The following LAMA2 variants were observed in gnomAD, a reference collection of about 807,000 sequenced individuals.
The protein encoded by LAMA2 is laminin subunit alpha 2.
A neutral mutation model predicts 364.8 loss-of-function variants in LAMA2; 269 were observed. The ratio of observed to expected loss-of-function variants is 0.74; its 90% CI spans 0.67 to 0.82. The LOEUF (loss-of-function observed/expected upper bound fraction) is 0.82, where lower values mean the gene tolerates loss of function less well. Among genes scored for constraint, LAMA2 ranks in the 40% least tolerant of loss-of-function variants. The pLI is 0.00. For synonymous variants in LAMA2, 1,379 were observed against 1,370.6 expected, an observed-to-expected ratio of 1.01 and a Z score of -0.14; for missense variants, 3,807 against 3,873.2, an observed-to-expected ratio of 0.98 and a Z score of 0.45.
intron 13 of LAMA2, 89 bp from the exon 14 acceptor site, chr6:129,251,995 G>A (rs577549821): frequency 5.1e-6 from 4 of 790,740 alleles, no homozygotes; most frequent in Non-Finnish European, 8.7e-6. Flanking sequence ...GTCTATTGAG[G>A]GTGGAGGATA....
At chr6:128,930,655 T>C (rs889656493) in intron 1 of LAMA2, among the ~76,000 whole-genome samples, 1 of 152,214 alleles carries the variant, frequency 6.6e-6, no homozygotes, top group Non-Finnish European at 1.5e-5. Context: ...TCTGCAGTTA[T>C]ACAGCATCCT....
chr6:129,367,110 G>T (rs1383430339), intron 33 of LAMA2, among the ~76,000 whole-genome samples: 1 of 152,184 alleles, frequency 6.6e-6, no homozygotes, highest in Non-Finnish European at 1.5e-5. Flanking sequence ...ACCTTTAAAA[G>T]TTCTTCAACA....
At chr6:129,096,374 C>A (rs141404777) in intron 3 of LAMA2, among the ~76,000 whole-genome samples, 1 of 151,914 alleles carries the variant, frequency 6.6e-6, no homozygotes, top group East Asian at 1.9e-4. Flanking sequence ...TAGCAGAATA[C>A]GGGATGGAAA....
At chr6:129,336,653 C>A (rs1460380712) in intron 29 of LAMA2, among the ~76,000 whole-genome samples, 1 of 152,166 alleles carries the variant, frequency 6.6e-6, no homozygotes, top group African/African-American at 2.4e-5. Context: ...ATCCATGTTT[C>A]AAATGCTGGT....
chr6:129,211,221 C>G (rs1409805704), intron 12 of LAMA2, among the ~76,000 whole-genome samples: 1 of 152,140 alleles, frequency 6.6e-6, no homozygotes, highest in Non-Finnish European at 1.5e-5. Context: ...CTCAGCTGAG[C>G]TATTGTCCAT....
At chr6:129,438,546 T>C in intron 41 of LAMA2, 100 bp from the exon 42 acceptor site, 1 of 638,786 alleles carries the variant, frequency 1.6e-6, no homozygotes, top group Non-Finnish European at 2.8e-6. Flanking sequence ...TTCTTGCTTT[T>C]AATTAATTTT....
chr6:129,270,665 T>C lies in LAMA2; in HGVS notation c.2364T>C (p.Cys788=), dbSNP rs1427492545. The change falls in exon 17 of 65, where the codon TGT becomes TGC. Residue 788 remains cysteine (C), a synonymous_variant. Coordinates refer to ENST00000421865, the MANE Select transcript of LAMA2 (RefSeq NM_000426.4). ...CAGGTGGCCCATATTGTGATAAATG[T>C]CTTCCTGGTTTCTATGGCGAGCCTA... ...DHTGGPYCDK[C]LPGFYGEPTK... is the part of the protein sequence containing the mutation. 1.2e-6 allele frequency: 2 copies of C among 1,613,008 alleles called. No homozygotes were observed. Among genetic ancestry groups the C allele is most frequent in the Non-Finnish European group, 1.7e-6 (2 of 1,179,388 alleles).
At chr6:129,411,840 G>A (rs1267807648) in intron 40 of LAMA2, among the ~76,000 whole-genome samples, 1 of 152,014 alleles carries the variant, frequency 6.6e-6, no homozygotes, top group Non-Finnish European at 1.5e-5. Flanking sequence ...TAGAAAATGT[G>A]TACAAATCTA....
In LAMA2 at chr6:129,091,264, C is replaced by T. The variant is rs367965831; in HGVS notation, c.397-6909C>T. Among the ~76,000 whole-genome samples, 16 of 152,122 alleles carry T rather than the reference C, an allele frequency of 1.1e-4. No individual in the cohort carries two copies. The South Asian group carries it at 1.9e-3, about 18-fold the overall frequency. Reference sequence around the variant, plus strand: ...TGAAGAGTTAGGCATTGATTTAAACCCTTTTGAAAAACAATTTCAACAAAT... The same window carrying T: ...TGAAGAGTTAGGCATTGATTTAAACTCTTTTGAAAAACAATTTCAACAAAT... On this transcript the variant is annotated intron_variant, in intron 3 of 64. Transcript: ENST00000421865.
chr6:129,182,072 A>G (rs983363539), intron 10 of LAMA2, among the ~76,000 whole-genome samples: 8 of 151,922 alleles, frequency 5.3e-5, no homozygotes, highest in Admixed American at 2.6e-4. Flanking sequence ...AAAAAGCAGT[A>G]GTATTTCTAT....
At chr6:129,326,255 GC>G (rs1775273365) in intron 28 of LAMA2, among the ~76,000 whole-genome samples, 1 of 152,132 alleles carries the variant, frequency 6.6e-6, no homozygotes, top group Non-Finnish European at 1.5e-5. Flanking sequence ...ACAAACTCGG[GC>G]CTCAACTCTC....
Position 129,313,062 on chromosome 6 carries a change from T to C in LAMA2, c.3376T>C (p.Ser1126Pro). 2 of 1,612,396 alleles carry C rather than the reference T, an allele frequency of 1.2e-6. No homozygotes were observed. The highest frequency in any genetic ancestry group is 1.7e-6 in the Non-Finnish European group (2 of 1,178,490). ...TTCDSETKKC[S>P]CSDQTGQCTC... is the part of the protein sequence containing the mutation. ...CTGTGATTCAGAGACTAAAAAATGC[T>C]CCTGTAGTGATCAAACTGGGCAGTG... The change falls in exon 23 of 65, where the codon TCC (serine) becomes CCC (proline). Residue 1126 changes from serine to proline, a missense_variant. Physicochemically the swap from Ser to Pro is moderately conservative, Grantham distance 74 (BLOSUM62 -1). This residue lies in a region of LAMA2 where 3,333 missense variants were observed against 3,345.7 expected (regional missense o/e 1.00). Transcript: ENST00000421865.
intron 4 of LAMA2, among the ~76,000 whole-genome samples, chr6:129,103,777 CTAT>C (rs1258145114): frequency 6.6e-6 from 1 of 151,756 alleles, no homozygotes; most frequent in African/African-American, 2.4e-5. Flanking sequence ...GCTTGTGCTT[CTAT>C]TAATAGGTAG....
At chr6:129,192,270 A>G (rs1194080228) in intron 11 of LAMA2, among the ~76,000 whole-genome samples, 1 of 152,268 alleles carries the variant, frequency 6.6e-6, no homozygotes, top group Non-Finnish European at 1.5e-5. Context: ...TTTTTCCAAA[A>G]GCAACAATAA....
At chr6:129,385,266 AAAG>A (rs1173206558) in intron 35 of LAMA2, among the ~76,000 whole-genome samples, 1 of 104,346 alleles carries the variant, frequency 9.6e-6, no homozygotes, top group African/African-American at 3.8e-5. Context: ...GAAGGGGGGG[AAAG>A]AAGGAAGGGA....
chr6:129,320,720 C>T, intron 28 of LAMA2, 65 bp downstream of exon 28: 2 of 851,424 alleles, frequency 2.3e-6, no homozygotes, highest in Non-Finnish European at 4.1e-6. Flanking sequence ...GAAATACTCC[C>T]AGAAGTACCT....
intron 10 of LAMA2, among the ~76,000 whole-genome samples, chr6:129,180,649 G>A (rs1317984324): frequency 6.6e-6 from 1 of 152,106 alleles, no homozygotes; most frequent in Non-Finnish European, 1.5e-5. Context: ...ATACTGAGCT[G>A]ATATGGACAT....
chr6:129,241,812 A>G (rs1583321902), intron 12 of LAMA2, among the ~76,000 whole-genome samples: 1 of 152,288 alleles, frequency 6.6e-6, no homozygotes, highest in East Asian at 1.9e-4. Flanking sequence ...GTGACTTAGT[A>G]TCCATTGCAC....
chr6:129,124,728 T>G (rs1777012414), intron 4 of LAMA2, among the ~76,000 whole-genome samples: 1 of 152,222 alleles, frequency 6.6e-6, no homozygotes, highest in South Asian at 2.1e-4. Context: ...ATACCATATA[T>G]TTACCGCATA....
Sources: allele counts gnomAD v4.1 joint callset (sites outside exome capture counted in the v4.1 genomes callset), GRCh38; gene constraint gnomAD v4.1.1; regional missense constraint gnomAD v4.1.1; transcripts MANE v1.5; gene names NCBI Gene and HGNC (gene_info 2026-07-23, HGNC 2026-07-21).